MAP2K1: variants seen among roughly 807,000 people sequenced by gnomAD.
MAP2K1 encodes the protein mitogen-activated protein kinase kinase 1, also known as dual specificity mitogen-activated protein kinase kinase 1.
MAP2K1 carries 16 observed loss-of-function variants against 46.3 expected under a neutral mutation model. The ratio of observed to expected loss-of-function variants is 0.35; its 90% confidence interval spans 0.23 to 0.52. MAP2K1 has a LOEUF of 0.52. MAP2K1 is among the 20% of genes least tolerant of loss of function. The pLI is 0.94. For missense variants in MAP2K1, 263 were observed against 497.1 expected, an observed-to-expected ratio of 0.53 and a Z score of 4.48; for synonymous variants, 183 against 185.6, an observed-to-expected ratio of 0.99 and a Z score of 0.11.
intron 5 of MAP2K1, among the ~76,000 whole-genome samples, chr15:66,447,818 C>T (rs1891912895): frequency 6.6e-6 from 1 of 152,070 alleles, no homozygotes; most frequent in Non-Finnish European, 1.5e-5. Context: ...CATCCATCTC[C>T]AGAACTTTTT....
In MAP2K1 at chr15:66,438,157, G is replaced by A. The variant is rs535429339; in HGVS notation, c.438+1265G>A. Among the ~76,000 whole-genome samples the A allele has an allele frequency of 4.0e-5, 6 of 151,474 alleles. No individual in the cohort carries two copies. In the South Asian group the frequency reaches 1.3e-3, roughly 32 times the overall value. Reference sequence around the variant, plus strand: ...GCTGGAGTGCAGTGGCGCGATGTCGGCTCACTGCAACCTCCACCTCCCAGG... The same window carrying A: ...GCTGGAGTGCAGTGGCGCGATGTCGACTCACTGCAACCTCCACCTCCCAGG... On this transcript the variant is annotated intron_variant, in intron 3 of 10. Coordinates refer to ENST00000307102, the MANE Select transcript of MAP2K1 (RefSeq NM_002755.4).
intron 1 of MAP2K1, chr15:66,402,040 G>C: frequency 7.7e-7 from 1 of 1,305,562 alleles, no homozygotes; most frequent in South Asian, 1.2e-5. Context: ...AAGTATTTCT[G>C]AGTAGTTTTT....
Position 66,426,360 on chromosome 15 carries a change from C to CAAA in MAP2K1, c.81-8655_81-8653dup, listed in dbSNP as rs35788598. On this transcript the variant is annotated intron_variant, in intron 1 of 10. Transcript: ENST00000307102. ...CTTCATGAAATATTCATCAAGAAGACAAAAAAAAAAAAAACCTTTATAATT... is the reference window on the plus strand; with the variant it reads ...CTTCATGAAATATTCATCAAGAAGACAAAAAAAAAAAAAAAAACCTTTATAATT... Among the ~76,000 whole-genome samples, 1,169 of 138,464 alleles carry CAAA rather than the reference C, an allele frequency of 8.4e-3. 16 individuals are homozygous for CAAA. Among genetic ancestry groups the CAAA allele is most frequent in the African/African-American group, 0.028 (1,068 of 37,476 alleles). 90.8% of individuals were successfully genotyped at this position (138,464 alleles called of 152,430 possible). A position where few individuals can be genotyped will look rare whatever the true frequency, so the allele number is the denominator to read the frequency against.
chr15:66,422,868 G>A (rs1048826527), intron 1 of MAP2K1, among the ~76,000 whole-genome samples: 6 of 152,066 alleles, frequency 3.9e-5, no homozygotes, highest in Non-Finnish European at 1.5e-5. Flanking sequence ...TATGTTAGAC[G>A]ATTGGATCTT....
intron 5 of MAP2K1, among the ~76,000 whole-genome samples, chr15:66,470,635 C>T (rs938589439): frequency 6.6e-6 from 1 of 152,108 alleles, no homozygotes; most frequent in Non-Finnish European, 1.5e-5. Flanking sequence ...TGCTTCCAGG[C>T]GTCAGCAAAT....
intron 5 of MAP2K1, among the ~76,000 whole-genome samples, chr15:66,459,185 C>T (rs557706152): frequency 9.0e-4 from 136 of 151,372 alleles, no homozygotes; most frequent in African/African-American, 2.3e-3. Context: ...TGGTGGCACA[C>T]GCCTGTAATC....
At chr15:66,399,550 A>G (rs2093376619) in intron 1 of MAP2K1, among the ~76,000 whole-genome samples, 1 of 151,840 alleles carries the variant, frequency 6.6e-6, no homozygotes, top group South Asian at 2.1e-4. Flanking sequence ...GTCTGGGCTC[A>G]AGTGATCCCT....
intron 4 of MAP2K1, among the ~76,000 whole-genome samples, chr15:66,443,750 G>C (rs1392922378): frequency 6.6e-6 from 1 of 152,146 alleles, no homozygotes; most frequent in Non-Finnish European, 1.5e-5. Context: ...GTGCACACGT[G>C]TAGTCCCAGC....
intron 1 of MAP2K1, among the ~76,000 whole-genome samples, chr15:66,416,789 A>ATAT (rs983833629): frequency 1.1e-4 from 17 of 152,138 alleles, no homozygotes; most frequent in African/African-American, 4.1e-4. Flanking sequence ...TGGGGAGGGT[A>ATAT]TATTATATTA....
intron 1 of MAP2K1, among the ~76,000 whole-genome samples, chr15:66,401,390 T>G (rs2093381242): frequency 6.6e-6 from 1 of 152,050 alleles, no homozygotes; most frequent in African/African-American, 2.4e-5. Context: ...AGTTTAGTGG[T>G]TTTTGATAGT....
intron 5 of MAP2K1, among the ~76,000 whole-genome samples, chr15:66,445,517 A>AT (rs1455714052): frequency 6.6e-6 from 1 of 152,282 alleles, no homozygotes; most frequent in Non-Finnish European, 1.5e-5. Flanking sequence ...AAGATAAAAT[A>AT]TAACATGCAT....
intron 1 of MAP2K1, among the ~76,000 whole-genome samples, chr15:66,396,550 G>A (rs971713213): frequency 6.6e-6 from 1 of 151,116 alleles, no homozygotes; most frequent in African/African-American, 2.4e-5. Context: ...GATTACAGGC[G>A]TGAGACACCG....
intron 3 of MAP2K1, among the ~76,000 whole-genome samples, chr15:66,440,830 TG>T (rs1188453223): frequency 6.6e-6 from 1 of 152,218 alleles, no homozygotes; most frequent in Non-Finnish European, 1.5e-5. Flanking sequence ...TATGGTTAGT[TG>T]CAGGCAACCC....
At position 66,435,201 on chromosome 15, in the gene MAP2K1, C is replaced by T. The variant is rs1052147663; in HGVS notation, c.255C>T (p.Val85=). Residue 85 remains valine, a synonymous_variant, in exon 2 of 11, where the codon GTC becomes GTT. Transcript: ENST00000307102. ...GAGNGGVVFK[V]SHKPSGLVMA... ...GCAATGGCGGTGTGGTGTTCAAGGT[C>T]TCCCACAAGCCTTCTGGCCTGGTCA... 7 of 1,613,992 alleles carry T rather than the reference C, an allele frequency of 4.3e-6. No homozygotes were observed. Among genetic ancestry groups the T allele is most frequent in the African/African-American group, 1.3e-5 (1 of 74,916 alleles).
intron 1 of MAP2K1, among the ~76,000 whole-genome samples, chr15:66,388,129 C>T (rs888833632): frequency 9.9e-5 from 15 of 152,224 alleles, no homozygotes; most frequent in Non-Finnish European, 2.1e-4. Context: ...AGCCCCTAAA[C>T]TCCTGACCTG....
chr15:66,476,407 C>T (rs1892756130), intron 5 of MAP2K1, among the ~76,000 whole-genome samples: 1 of 152,206 alleles, frequency 6.6e-6, no homozygotes, highest in South Asian at 2.1e-4. Context: ...TTAATCCTCC[C>T]AGGACTCCAG....
intron 1 of MAP2K1, among the ~76,000 whole-genome samples, chr15:66,409,381 G>A (rs370419065): frequency 6.6e-6 from 1 of 152,130 alleles, no homozygotes; most frequent in Non-Finnish European, 1.5e-5. Flanking sequence ...CACAGAGGAA[G>A]GCTCTGGGAA....
At chr15:66,449,262 G>A (rs1402483340) in intron 5 of MAP2K1, among the ~76,000 whole-genome samples, 4 of 152,152 alleles carry the variant, frequency 2.6e-5, no homozygotes. Flanking sequence ...GTACATTTTA[G>A]TGTATTCAAA....
At chr15:66,421,138 A>C (rs1460381670) in intron 1 of MAP2K1, among the ~76,000 whole-genome samples, 1 of 149,594 alleles carries the variant, frequency 6.7e-6, no homozygotes, top group Non-Finnish European at 1.5e-5. Flanking sequence ...ATATATATAT[A>C]TAAATTTTTT....
Sources: gnomAD v4.1 joint callset for allele counts (sites outside exome capture counted in the v4.1 genomes callset) on GRCh38, gnomAD v4.1.1 for gene constraint, MANE v1.5 for transcripts, NCBI Gene and HGNC (gene_info 2026-07-23, HGNC 2026-07-21) for gene names.